Variants in STK3 observed in about 807,000 individuals in gnomAD.
STK3 encodes serine/threonine kinase 3, also known as serine/threonine-protein kinase 3.
Under a neutral mutation model 58.0 loss-of-function variants are expected in STK3, and 41 were observed. The observed-to-expected ratio is 0.71, with a 90% CI of 0.55 to 0.92. STK3 has a LOEUF of 0.92. Ranked by LOEUF, STK3 falls within the 40% of genes least tolerant of loss-of-function variation. STK3 has a pLI of 0.00. For synonymous variants in STK3, 170 were observed against 191.0 expected, an observed-to-expected ratio of 0.89 and a Z score of 0.91; for missense variants, 479 against 602.7, an observed-to-expected ratio of 0.79 and a Z score of 2.15.
chr8:98,654,570 G>T (rs551889280), intron 6 of STK3, among the ~76,000 whole-genome samples: 9 of 152,170 alleles, frequency 5.9e-5, no homozygotes, highest in East Asian at 5.8e-4. Context: ...GACATGATTG[G>T]ATATCTAGAA....
At chr8:98,749,415 A>G in intron 3 of STK3, 25 bp from the exon 4 acceptor site, 1 of 1,344,044 alleles carries the variant, frequency 7.4e-7, no homozygotes, top group Non-Finnish European at 1.0e-6. Flanking sequence ...ATAAACAATT[A>G]AATTTAGTTA....
intron 10 of STK3, among the ~76,000 whole-genome samples, chr8:98,505,742 T>C (rs1396736591): frequency 2.0e-5 from 3 of 152,150 alleles, no homozygotes; most frequent in African/African-American, 7.2e-5. Flanking sequence ...ACAGCAAATA[T>C]TGCTGCCTGA....
intron 1 of STK3, among the ~76,000 whole-genome samples, chr8:98,388,015 A>C (rs982202344): frequency 1.3e-5 from 2 of 152,140 alleles, no homozygotes; most frequent in African/African-American, 4.8e-5. Context: ...AAAATGGGAC[A>C]ATTTGAGCAC....
At chr8:98,937,935 C>T (rs1362203881) in intron 1 of STK3, among the ~76,000 whole-genome samples, 1 of 152,194 alleles carries the variant, frequency 6.6e-6, no homozygotes, top group Non-Finnish European at 1.5e-5. Context: ...GAAATAGAAT[C>T]ACTGGTAGTA....
At chr8:98,661,041 A>G (rs969167290) in intron 6 of STK3, among the ~76,000 whole-genome samples, 2 of 151,684 alleles carry the variant, frequency 1.3e-5, no homozygotes, top group African/African-American at 4.9e-5. Context: ...AGTACAGCAA[A>G]GGTAACTACA....
chr8:98,893,538 A>AAGAAAGAAAGAAAGAG (rs1305264288), intron 1 of STK3, among the ~76,000 whole-genome samples: 1 of 139,778 alleles, frequency 7.2e-6, no homozygotes, highest in African/African-American at 2.7e-5. Flanking sequence ...GAAAGAAAGA[A>AAGAAAGAAAGAAAGAG]AAAGAAAGAG....
At chr8:98,368,996 T>C (rs1328827622), downstream of STK3, among the ~76,000 whole-genome samples, 1 of 152,204 alleles carries the variant, frequency 6.6e-6, no homozygotes, top group African/African-American at 2.4e-5. Context: ...AATTTCCAAC[T>C]CTCTCGCTAT....
chr8:98,765,210 A>G (rs1406369406), intron 3 of STK3, among the ~76,000 whole-genome samples: 1 of 152,244 alleles, frequency 6.6e-6, no homozygotes, highest in Non-Finnish European at 1.5e-5. Flanking sequence ...GCCGAGCACT[A>G]TGCTATCTCA....
intron 1 of STK3, among the ~76,000 whole-genome samples, chr8:98,909,045 A>C (rs1839032724): frequency 6.6e-6 from 1 of 152,016 alleles, no homozygotes; most frequent in Admixed American, 6.6e-5. Context: ...AATCGCAGCT[A>C]TTCAGGTCAG....
At chr8:98,437,676 C>A (rs1415407507) in intron 1 of STK3, 1 of 152,230 alleles carries the variant, frequency 6.6e-6, no homozygotes, top group African/African-American at 2.4e-5. Context: ...GCATGACTCA[C>A]TTTTGATCTG....
intron 1 of STK3, among the ~76,000 whole-genome samples, chr8:98,784,776 C>T (rs2131547998): frequency 6.6e-6 from 1 of 152,178 alleles, no homozygotes; most frequent in African/African-American, 2.4e-5. Context: ...TGCACCTGCT[C>T]ACATGGACTA....
chr8:98,554,284 T>C (rs1271466464), intron 8 of STK3, among the ~76,000 whole-genome samples: 1 of 152,166 alleles, frequency 6.6e-6, no homozygotes, highest in Non-Finnish European at 1.5e-5. Flanking sequence ...TATCTTATTT[T>C]GTCACGGTTG....
chr8:98,508,210 C>G (rs975670015), intron 10 of STK3, among the ~76,000 whole-genome samples: 1 of 152,040 alleles, frequency 6.6e-6, no homozygotes, highest in Non-Finnish European at 1.5e-5. Context: ...GAATCCATTA[C>G]AAATATTTTA....
intron 1 of STK3, among the ~76,000 whole-genome samples, chr8:98,804,161 C>T (rs978159182): frequency 6.6e-6 from 1 of 152,106 alleles, no homozygotes. Flanking sequence ...ACCACCACGC[C>T]TGGCTAATTT....
chr8:98,818,413 G>A (rs1024228409), intron 1 of STK3, among the ~76,000 whole-genome samples: 9 of 152,218 alleles, frequency 5.9e-5, no homozygotes, highest in African/African-American at 2.2e-4. Context: ...GCCATGAGTA[G>A]TGATCAGTAA....
intron 10 of STK3, among the ~76,000 whole-genome samples, chr8:98,497,024 G>C (rs1823189851): frequency 1.3e-5 from 2 of 152,006 alleles, no homozygotes; most frequent in Non-Finnish European, 2.9e-5. Context: ...AAAGTTGGTG[G>C]ACACACACTT....
intron 6 of STK3, among the ~76,000 whole-genome samples, chr8:98,648,316 G>A (rs944693232): frequency 2.0e-5 from 3 of 152,084 alleles, no homozygotes; most frequent in Non-Finnish European, 2.9e-5. Context: ...TTTAATGGCC[G>A]CATGTTACAA....
At position 98,739,148 on chromosome 8, in the gene STK3, C is replaced by G. The variant is rs564091283; in HGVS notation, c.351+10128G>C. ...GGAGGCCTGCCTGCCTCTGTAGGCT[C>G]CACCTCTGGGGGCAGGGCACAGACA... On this transcript the variant is annotated intron_variant, in intron 4 of 10. Coordinates refer to ENST00000419617, the MANE Select transcript of STK3 (RefSeq NM_006281.4). Among the ~76,000 whole-genome samples the G allele has an allele frequency of 5.4e-4, 82 of 152,354 alleles. No individual in the cohort carries two copies. The East Asian group carries it at 0.011, about 20-fold the overall frequency.
chr8:98,814,866 G>A (rs2131698040), intron 1 of STK3, among the ~76,000 whole-genome samples: 1 of 152,160 alleles, frequency 6.6e-6, no homozygotes, highest in South Asian at 2.1e-4. Flanking sequence ...TTTTTTTGTA[G>A]AAACCAGGTT....
Sources: allele counts gnomAD v4.1 joint callset (sites outside exome capture counted in the v4.1 genomes callset), GRCh38; gene constraint gnomAD v4.1.1; transcripts MANE v1.5; gene names NCBI Gene and HGNC (gene_info 2026-07-23, HGNC 2026-07-21).